The following CYP11A1 variants were observed in gnomAD, a reference collection of about 807,000 sequenced individuals.
CYP11A1 encodes the protein cytochrome P450 family 11 subfamily A member 1, also known as cholesterol side-chain cleavage enzyme, mitochondrial.
In CYP11A1, 25 loss-of-function variants were observed where a neutral mutation model predicts 51.9. The observed-to-expected ratio is 0.48, with a 90% CI of 0.35 to 0.67. The LOEUF (loss-of-function observed/expected upper bound fraction) is 0.67. Among genes scored for constraint, CYP11A1 ranks in the 30% least tolerant of loss-of-function variants. The pLI, the probability that CYP11A1 is intolerant of heterozygous loss-of-function variation, is 0.00. For synonymous variants in CYP11A1, 245 were observed against 262.1 expected, an observed-to-expected ratio of 0.93 and a Z score of 0.63; for missense variants, 578 against 680.9, an observed-to-expected ratio of 0.85 and a Z score of 1.68.
chr15:74,343,713 T>TTG, intron 4 of CYP11A1, 76 bp downstream of exon 4: 1 of 1,334,278 alleles, frequency 7.5e-7, no homozygotes, highest in Non-Finnish European at 1.1e-6. Flanking sequence ...CAGCGCCCAT[T>TTG]GACATAGCGT....
intron 7 of CYP11A1, 130 bp downstream of exon 7, chr15:74,339,107 C>T: frequency 1.2e-6 from 1 of 801,540 alleles, no homozygotes; most frequent in Non-Finnish European, 2.2e-6. Flanking sequence ...CCACCTCTGC[C>T]CTTCATTCAG....
intron 2 of CYP11A1, 130 bp downstream of exon 2, chr15:74,347,770 G>A (rs891478064): frequency 1.2e-6 from 1 of 808,178 alleles, no homozygotes; most frequent in Non-Finnish European, 2.0e-6. Context: ...GAAAATGACG[G>A]GGATTCACCT....
intron 5 of CYP11A1, among the ~76,000 whole-genome samples, chr15:74,340,835 C>T (rs914258037): frequency 6.6e-6 from 1 of 152,024 alleles, no homozygotes; most frequent in African/African-American, 2.4e-5. Flanking sequence ...CTCCCCAATA[C>T]CCCACTCCCC....
intron 5 of CYP11A1, 89 bp downstream of exon 5, chr15:74,342,888 C>T: frequency 1.4e-6 from 2 of 1,398,458 alleles, no homozygotes; most frequent in Non-Finnish European, 2.0e-6. Context: ...ACGCCTTGAA[C>T]AACAGGGTTT....
intron 2 of CYP11A1, among the ~76,000 whole-genome samples, chr15:74,346,897 C>T (rs1260230967): frequency 1.3e-5 from 2 of 151,320 alleles, no homozygotes; most frequent in Non-Finnish European, 1.5e-5. Context: ...GCTTCCTAGG[C>T]TCAAGTAGTT....
rs1207014663 is a variant in CYP11A1 at position 74,337,961 on chromosome 15, A to G, written c.*11T>C. 6.2e-7 allele frequency: 1 copy of G among 1,613,740 alleles called. No individual in the cohort carries two copies. Among genetic ancestry groups the G allele is most frequent in the Non-Finnish European group, 8.5e-7 (1 of 1,180,022 alleles). Reference sequence around the variant, plus strand: ...CCTTCCTCCCATGTGGCTGCAGGCCATCCTCTCTGATCACTGCTGGGTTGC... The same window carrying G: ...CCTTCCTCCCATGTGGCTGCAGGCCGTCCTCTCTGATCACTGCTGGGTTGC... On this transcript the variant is annotated 3_prime_UTR_variant, in exon 9 of 9. Coordinates refer to ENST00000268053, the MANE Select transcript of CYP11A1 (RefSeq NM_000781.3).
rs1363318952 is a variant in CYP11A1 at position 74,338,031 on chromosome 15, G to T, written c.1507C>A (p.Pro503Thr). The change falls in exon 9 of 9, where the codon CCT becomes ACT. Residue 503 changes from proline (P) to threonine (T), a missense_variant. Physicochemically the swap from Pro to Thr is conservative, Grantham distance 38. Transcript: ENST00000268053. ...AAGGTGAAGGAGATGGGCTTTTCAG[G>T]CATCAGAATGAGGTTGAATGTGGTG... The part of the protein sequence containing the change: ...VGTTFNLILM[P>T]EKPISFTFWP... The T allele has an allele frequency of 1.2e-6, 2 of 1,614,182 alleles. No individual in the cohort carries two copies. The highest frequency in any genetic ancestry group is 2.2e-5 in the South Asian group (2 of 91,086).
chr15:74,340,856 AACAC>A (rs2060603654), intron 5 of CYP11A1, among the ~76,000 whole-genome samples: 1 of 151,312 alleles, frequency 6.6e-6, no homozygotes, highest in African/African-American at 2.4e-5. Flanking sequence ...ACCTCTCTCC[AACAC>A]ACACCTAATG....
At chr15:74,349,149 T>G (rs893112630) in intron 1 of CYP11A1, among the ~76,000 whole-genome samples, 1 of 152,138 alleles carries the variant, frequency 6.6e-6, no homozygotes, top group Non-Finnish European at 1.5e-5. Context: ...GAGAGAGGCC[T>G]CAGAAGAAAG....
chr15:74,338,032 C>G lies in CYP11A1; in HGVS notation c.1506G>C (p.Met502Ile). The change falls in exon 9 of 9, where the codon ATG becomes ATC. Residue 502 changes from methionine to isoleucine, a missense_variant. Met to Ile is a conservative substitution (Grantham distance 10). Coordinates refer to ENST00000268053, the MANE Select transcript of CYP11A1 (RefSeq NM_000781.3). ...DVGTTFNLILMPEKPISFTFW... is the reference protein window; with the variant it reads ...DVGTTFNLILIPEKPISFTFW... ...AGGTGAAGGAGATGGGCTTTTCAGG[C>G]ATCAGAATGAGGTTGAATGTGGTGC... is the stretch of plus-strand genomic sequence containing the variant. 1 of 1,614,162 alleles carries G rather than the reference C, an allele frequency of 6.2e-7. No individual in the cohort carries two copies. Among genetic ancestry groups the G allele is most frequent in the Non-Finnish European group, 8.5e-7 (1 of 1,180,022 alleles).
At chr15:74,361,502 G>C in intron 1 of CYP11A1, 1 of 562,632 alleles carries the variant, frequency 1.8e-6, no homozygotes, top group Non-Finnish European at 3.3e-6. Context: ...TTTATAACCT[G>C]TCGCTTTGCA....
At chr15:74,344,033 G>A in intron 3 of CYP11A1, 41 bp from the exon 4 acceptor site, 1 of 1,576,738 alleles carries the variant, frequency 6.3e-7, no homozygotes. Flanking sequence ...TTTCTGACGG[G>A]GCCATCTGAG....
intron 1 of CYP11A1, chr15:74,366,891 T>G (rs1159227505): frequency 5.5e-6 from 1 of 180,332 alleles, no homozygotes; most frequent in Non-Finnish European, 1.2e-5. Flanking sequence ...AATTTTTGTA[T>G]TTTTAGTAGA....
intron 1 of CYP11A1, chr15:74,356,524 T>G (rs1429361841): frequency 1.3e-5 from 2 of 152,200 alleles, no homozygotes; most frequent in African/African-American, 4.8e-5. Context: ...AACTCCACAT[T>G]ACCTTCTTTT....
intron 1 of CYP11A1, among the ~76,000 whole-genome samples, chr15:74,355,279 A>G (rs906986245): frequency 6.6e-6 from 1 of 152,130 alleles, no homozygotes; most frequent in Non-Finnish European, 1.5e-5. Flanking sequence ...CTTAACCCCA[A>G]TACAAACTCA....
chr15:74,350,058 T>G (rs1441139142), intron 1 of CYP11A1: 2 of 341,486 alleles, frequency 5.9e-6, no homozygotes, highest in Non-Finnish European at 1.2e-5. Context: ...AACATCACTT[T>G]CTCTTAAAAT....
At chr15:74,365,739 G>T in intron 1 of CYP11A1, 4 of 985,516 alleles carry the variant, frequency 4.1e-6, no homozygotes, top group Non-Finnish European at 4.8e-6. Flanking sequence ...TGTCGGCTCC[G>T]GTGGGCTCGG....
intron 1 of CYP11A1, among the ~76,000 whole-genome samples, chr15:74,361,164 C>T (rs544462064): frequency 2.0e-5 from 3 of 152,108 alleles, no homozygotes; most frequent in Non-Finnish European, 4.4e-5. Flanking sequence ...ATCAGAGGGC[C>T]CCTGAAAACA....
At chr15:74,342,068 G>A (rs900227530) in intron 5 of CYP11A1, among the ~76,000 whole-genome samples, 7 of 152,130 alleles carry the variant, frequency 4.6e-5, no homozygotes, top group Non-Finnish European at 5.9e-5. Context: ...TCTGAGCCAC[G>A]TGAGGACATT....
Sources: allele counts gnomAD v4.1 joint callset (sites outside exome capture counted in the v4.1 genomes callset), GRCh38; gene constraint gnomAD v4.1.1; transcripts MANE v1.5; gene names NCBI Gene and HGNC (gene_info 2026-07-23, HGNC 2026-07-21).